Variants in TGFA observed in about 807,000 individuals in gnomAD.
TGFA encodes the protein protransforming growth factor alpha.
A neutral mutation model predicts 21.7 loss-of-function variants in TGFA; 12 were observed. That is an observed-to-expected ratio of 0.55 (90% CI 0.35 to 0.90). TGFA has a LOEUF of 0.90. TGFA is among the 40% of genes least tolerant of loss of function. The pLI is 0.01. For synonymous variants in TGFA, 79 were observed against 88.1 expected, an observed-to-expected ratio of 0.90 and a Z score of 0.58; for missense variants, 178 against 210.8, an observed-to-expected ratio of 0.84 and a Z score of 0.96.
intron 2 of TGFA, among the ~76,000 whole-genome samples, chr2:70,472,609 A>G (rs1458508815): frequency 2.6e-5 from 4 of 152,178 alleles, no homozygotes; most frequent in African/African-American, 9.7e-5. Context: ...GGAGCCAGGG[A>G]GACAGCCATC....
intron 2 of TGFA, among the ~76,000 whole-genome samples, chr2:70,494,462 ACTAAG>A (rs782632446): frequency 2.0e-5 from 3 of 152,234 alleles, no homozygotes; most frequent in Non-Finnish European, 4.4e-5. Flanking sequence ...TGCAATGAAC[ACTAAG>A]CTAAGTTTTG....
At chr2:70,514,962 G>T (rs11466220) in intron 1 of TGFA, 50 bp from the exon 2 acceptor site, 3 of 1,572,532 alleles carry the variant, frequency 1.9e-6, no homozygotes, top group Admixed American at 3.5e-5. Context: ...CTTGGCAAAT[G>T]ATGTCCTCAG....
chr2:70,460,686 TG>T (rs1670380411), intron 3 of TGFA, among the ~76,000 whole-genome samples: 1 of 152,086 alleles, frequency 6.6e-6, no homozygotes, highest in Non-Finnish European at 1.5e-5. Context: ...TGGGGGCTGG[TG>T]GGGAGAGGGC....
intron 1 of TGFA, among the ~76,000 whole-genome samples, chr2:70,521,397 C>T (rs530324128): frequency 3.3e-5 from 5 of 152,298 alleles, no homozygotes; most frequent in African/African-American, 1.2e-4. Context: ...CTACTAGGAT[C>T]CTCACCCAAC....
At chr2:70,503,855 G>C (rs1671816780) in intron 2 of TGFA, among the ~76,000 whole-genome samples, 1 of 152,208 alleles carries the variant, frequency 6.6e-6, no homozygotes, top group Admixed American at 6.5e-5. Context: ...CAGATGGTGA[G>C]CTCTGTGCAC....
intron 2 of TGFA, among the ~76,000 whole-genome samples, chr2:70,509,884 C>A (rs1296861101): frequency 6.6e-6 from 1 of 152,178 alleles, no homozygotes; most frequent in Admixed American, 6.5e-5. Context: ...CATTCTGTCC[C>A]TCTTAAGGGG....
chr2:70,538,245 T>A (rs1011351621), intron 1 of TGFA, among the ~76,000 whole-genome samples: 1 of 152,222 alleles, frequency 6.6e-6, no homozygotes, highest in Non-Finnish European at 1.5e-5. Flanking sequence ...AGAGCTCTGA[T>A]GGAGCTGTGT....
At chr2:70,538,602 A>T (rs1202757281) in intron 1 of TGFA, among the ~76,000 whole-genome samples, 5 of 152,222 alleles carry the variant, frequency 3.3e-5, no homozygotes, top group African/African-American at 4.8e-5. Context: ...TGGGAATAGC[A>T]AGAGAACTGG....
chr2:70,514,724 G>A, intron 2 of TGFA, 135 bp downstream of exon 2: 3 of 930,216 alleles, frequency 3.2e-6, no homozygotes, highest in South Asian at 2.8e-5. Context: ...CCCTGAGGAG[G>A]GGGCAGAGAG....
Position 70,465,636 on chromosome 2 carries a change from C to T in TGFA, c.195G>A (p.Gln65=). 6.2e-7 allele frequency: 1 copy of T among 1,614,176 alleles called. No homozygotes were observed. Among genetic ancestry groups the T allele is most frequent in the Non-Finnish European group, 8.5e-7 (1 of 1,180,012 alleles). ...CFHGTCRFLV[Q]EDKPACVCHS... ...CTTACACACATGCTGGCTTGTCCTCCTGCACCAAAAACCTGCAGGTTCCAT... is the reference window on the plus strand; with the variant it reads ...CTTACACACATGCTGGCTTGTCCTCTTGCACCAAAAACCTGCAGGTTCCAT... The change falls in exon 3 of 6, where the codon CAG becomes CAA. Residue 65 remains glutamine, a synonymous_variant. Transcript: ENST00000295400.
chr2:70,489,727 A>G lies in TGFA; in HGVS notation c.95-23991T>C, dbSNP rs116921535. On this transcript the variant is annotated intron_variant, in intron 2 of 5. Transcript: ENST00000295400. ...TGTCTACCATGTAGGGTCTAGCTAT[A>G]GGTTCTCTTTTATAGTCTAGGAACT... 1.7e-3 allele frequency among the ~76,000 whole-genome samples: 255 copies of G among 152,328 alleles called. 4 individuals carry two copies. The East Asian group carries it at 0.032, about 19-fold the overall frequency.
chr2:70,524,854 C>T lies in TGFA; in HGVS notation c.41-9942G>A, dbSNP rs1672587243. ...CAAGAAGTACAGGAACCAAACACCACCTCTGGAAGGATCCATGGGGAGGTT... is the reference window on the plus strand; with the variant it reads ...CAAGAAGTACAGGAACCAAACACCATCTCTGGAAGGATCCATGGGGAGGTT... On this transcript the variant is annotated intron_variant, in intron 1 of 5. Coordinates refer to ENST00000295400, the MANE Select transcript of TGFA (RefSeq NM_003236.4). Among the ~76,000 whole-genome samples, 5 of 152,350 alleles carry T rather than the reference C, an allele frequency of 3.3e-5. No individual in the cohort carries two copies. The South Asian group carries it at 8.3e-4, about 25-fold the overall frequency.
intron 2 of TGFA, among the ~76,000 whole-genome samples, chr2:70,482,715 C>CTT (rs57880017): frequency 6.7e-6 from 1 of 148,370 alleles, no homozygotes; most frequent in African/African-American, 2.5e-5. Flanking sequence ...TGGCTCAAAA[C>CTT]TTTTTTTTTT....
At chr2:70,517,761 C>T (rs1672329856) in intron 1 of TGFA, among the ~76,000 whole-genome samples, 1 of 152,248 alleles carries the variant, frequency 6.6e-6, no homozygotes, top group South Asian at 2.1e-4. Context: ...ATTCAGCAGT[C>T]ACAAACCCCA....
At chr2:70,462,690 TC>T (rs1206117154) in intron 3 of TGFA, among the ~76,000 whole-genome samples, 1 of 152,134 alleles carries the variant, frequency 6.6e-6, no homozygotes, top group Non-Finnish European at 1.5e-5. Flanking sequence ...ATTAAAGCCA[TC>T]TAAGAACAGC....
At chr2:70,475,511 G>T (rs1192928388) in intron 2 of TGFA, among the ~76,000 whole-genome samples, 2 of 152,080 alleles carry the variant, frequency 1.3e-5, no homozygotes, top group Non-Finnish European at 2.9e-5. Flanking sequence ...TCACTTCAGA[G>T]GGCATGGTGC....
intron 3 of TGFA, among the ~76,000 whole-genome samples, chr2:70,458,875 A>G (rs1670321622): frequency 6.6e-6 from 1 of 152,174 alleles, no homozygotes; most frequent in Non-Finnish European, 1.5e-5. Flanking sequence ...GGCAGGGCTT[A>G]GCTCTACAGA....
At position 70,456,460 on chromosome 2, in the gene TGFA, A is replaced by T; in HGVS notation, c.244T>A (p.Cys82Ser). 6.2e-7 allele frequency: 1 copy of T among 1,608,326 alleles called. No individual in the cohort carries two copies. Among genetic ancestry groups the T allele is most frequent in the Non-Finnish European group, 8.5e-7 (1 of 1,177,596 alleles). ...VCHSGYVGAR[C>S]EHADLLAVVA... The stretch of plus-strand genomic sequence containing the variant: ...ACGGCCAGGAGGTCCGCATGCTCAC[A>T]GCGTGCACCAACGTACCCAGAATGG... The change falls in exon 4 of 6, where the codon TGT (cysteine) becomes AGT (serine). Residue 82 changes from cysteine (C) to serine (S), a missense_variant. Physicochemically the swap from Cys to Ser is moderately radical, Grantham distance 112. Transcript: ENST00000295400.
At chr2:70,533,335 C>G (rs184101814) in intron 1 of TGFA, among the ~76,000 whole-genome samples, 1 of 152,202 alleles carries the variant, frequency 6.6e-6, no homozygotes, top group East Asian at 1.9e-4. Flanking sequence ...CCCCCACCCC[C>G]CAACACCTGC....
Sources: allele counts gnomAD v4.1 joint callset (sites outside exome capture counted in the v4.1 genomes callset), GRCh38; gene constraint gnomAD v4.1.1; transcripts MANE v1.5; gene names NCBI Gene and HGNC (gene_info 2026-07-23, HGNC 2026-07-21).